SHANK2: variants seen among roughly 807,000 people sequenced by gnomAD.
The protein encoded by SHANK2 is SH3 and multiple ankyrin repeat domains 2, also known as SH3 and multiple ankyrin repeat domains protein 2.
A neutral mutation model predicts 133.7 loss-of-function variants in SHANK2; 43 were observed. The ratio of observed to expected loss-of-function variants is 0.32; its 90% CI spans 0.25 to 0.41. SHANK2 has a LOEUF of 0.41. SHANK2 is among the 10% of genes least tolerant of loss of function. The pLI is 1.00. For missense variants in SHANK2, 1,994 were observed against 2,235.8 expected, an observed-to-expected ratio of 0.89 and a Z score of 2.18; for synonymous variants, 1,017 against 952.8, an observed-to-expected ratio of 1.07 and a Z score of -1.24.
At position 70,501,476 on chromosome 11, in the gene SHANK2, A is replaced by G. The variant is rs545146121; in HGVS notation, c.2287+447T>C. Among the ~76,000 whole-genome samples, 4 of 152,294 alleles carry G rather than the reference A, an allele frequency of 2.6e-5. No homozygotes were observed. The East Asian group carries it at 7.7e-4, about 29-fold the overall frequency. ...TGCGCCCATGTAAGCTGCCTTCACC[A>G]GCTCCAATTTGTGCTCCAGTGGAGC... On this transcript the variant is annotated intron_variant, in intron 20 of 25. Transcript: ENST00000601538.
intron 17 of SHANK2, among the ~76,000 whole-genome samples, chr11:70,608,559 G>A (rs535692280): frequency 6.6e-6 from 1 of 152,274 alleles, no homozygotes; most frequent in African/African-American, 2.4e-5. Context: ...GGCTCTGCAG[G>A]TGGGCAGGAC....
intron 1 of SHANK2, among the ~76,000 whole-genome samples, chr11:71,228,652 G>A (rs1359457904): frequency 6.6e-6 from 1 of 152,220 alleles, no homozygotes; most frequent in Non-Finnish European, 1.5e-5. Context: ...CAGCTATTCG[G>A]GAGGCTGAGG....
intron 11 of SHANK2, among the ~76,000 whole-genome samples, chr11:70,881,761 G>T (rs1949664376): frequency 6.6e-6 from 1 of 150,462 alleles, no homozygotes; most frequent in African/African-American, 2.5e-5. Context: ...ACCAGGTTTT[G>T]CTCTGTTGCC....
At chr11:70,581,026 C>T (rs1458288194) in intron 17 of SHANK2, among the ~76,000 whole-genome samples, 3 of 152,200 alleles carry the variant, frequency 2.0e-5, no homozygotes, top group East Asian at 1.9e-4. Context: ...TTCGTCACTG[C>T]GAGGCCTTCT....
intron 14 of SHANK2, among the ~76,000 whole-genome samples, chr11:70,760,012 G>A (rs1029712858): frequency 2.0e-5 from 3 of 152,242 alleles, no homozygotes; most frequent in African/African-American, 7.2e-5. Context: ...AGAACTATGA[G>A]AGACCGGCTC....
At chr11:71,063,367 G>C (rs1398344708) in intron 9 of SHANK2, among the ~76,000 whole-genome samples, 1 of 152,172 alleles carries the variant, frequency 6.6e-6, no homozygotes, top group Non-Finnish European at 1.5e-5. Context: ...AAGGGTACAT[G>C]GTTCACTTGG....
chr11:71,160,245 T>C (rs1952987355), intron 2 of SHANK2, among the ~76,000 whole-genome samples: 2 of 152,134 alleles, frequency 1.3e-5, no homozygotes, highest in South Asian at 4.1e-4. Context: ...CGGAGGCTCC[T>C]GGGGACTCTG....
At chr11:70,592,878 C>T (rs1554988400) in intron 17 of SHANK2, among the ~76,000 whole-genome samples, 1 of 152,262 alleles carries the variant, frequency 6.6e-6, no homozygotes, top group Admixed American at 6.5e-5. Context: ...CCCACCTCGC[C>T]TGGGGTAGCA....
At chr11:70,803,654 C>G (rs928390352) in intron 13 of SHANK2, among the ~76,000 whole-genome samples, 1 of 151,988 alleles carries the variant, frequency 6.6e-6, no homozygotes. Flanking sequence ...GATGCAGGGA[C>G]TTCGGGAAGA....
At chr11:70,942,792 T>G (rs1196436441) in intron 10 of SHANK2, 3 of 456,574 alleles carry the variant, frequency 6.6e-6, no homozygotes, top group Admixed American at 2.3e-5. Context: ...TGCACCAAGC[T>G]GTACCGGGTT....
chr11:70,714,841 T>C (rs1555026926), intron 14 of SHANK2, among the ~76,000 whole-genome samples: 1 of 152,180 alleles, frequency 6.6e-6, no homozygotes, highest in African/African-American at 2.4e-5. Context: ...AATCTTGTTC[T>C]ATTGCCCAGG....
At chr11:70,514,486 A>C (rs2059242040) in intron 17 of SHANK2, among the ~76,000 whole-genome samples, 1 of 152,252 alleles carries the variant, frequency 6.6e-6, no homozygotes, top group East Asian at 1.9e-4. Flanking sequence ...TCTTAATTTT[A>C]AAAGCAGATA....
intron 11 of SHANK2, among the ~76,000 whole-genome samples, chr11:70,858,988 C>T (rs1949213894): frequency 6.6e-6 from 1 of 152,216 alleles, no homozygotes; most frequent in African/African-American, 2.4e-5. Context: ...CTCATGCTGT[C>T]CTTTCCACAC....
chr11:71,069,423 T>A (rs1190870936), intron 9 of SHANK2, among the ~76,000 whole-genome samples: 1 of 150,404 alleles, frequency 6.6e-6, no homozygotes, highest in Non-Finnish European at 1.5e-5. Flanking sequence ...CATCACCACC[T>A]TCATCATCAC....
chr11:70,757,400 C>T (rs1396902505), intron 14 of SHANK2, among the ~76,000 whole-genome samples: 1 of 152,234 alleles, frequency 6.6e-6, no homozygotes, highest in Non-Finnish European at 1.5e-5. Context: ...AGGGCTGGCC[C>T]CTAGCTGGCA....
chr11:70,659,285 C>T (rs1463619183), intron 17 of SHANK2, among the ~76,000 whole-genome samples: 1 of 152,126 alleles, frequency 6.6e-6, no homozygotes, highest in Non-Finnish European at 1.5e-5. Flanking sequence ...CCTTTTTGCA[C>T]CATCGACACC....
intron 17 of SHANK2, among the ~76,000 whole-genome samples, chr11:70,503,762 C>G (rs1161430406): frequency 6.6e-6 from 1 of 152,262 alleles, no homozygotes; most frequent in Admixed American, 6.5e-5. Context: ...TCTCACCTCC[C>G]TGAGCAATGC....
chr11:71,068,690 G>C (rs1590881439), intron 9 of SHANK2, among the ~76,000 whole-genome samples: 1 of 152,226 alleles, frequency 6.6e-6, no homozygotes, highest in Non-Finnish European at 1.5e-5. Flanking sequence ...GGGATTCTGG[G>C]TTATGGGCTG....
intron 17 of SHANK2, among the ~76,000 whole-genome samples, chr11:70,507,968 C>A (rs942653775): frequency 3.9e-5 from 6 of 152,220 alleles, no homozygotes; most frequent in Admixed American, 6.5e-5. Flanking sequence ...GAACTCAGAC[C>A]GGTAGTAACT....
Sources: allele counts gnomAD v4.1 joint callset (sites outside exome capture counted in the v4.1 genomes callset), GRCh38; gene constraint gnomAD v4.1.1; transcripts MANE v1.5; gene names NCBI Gene and HGNC (gene_info 2026-07-23, HGNC 2026-07-21).